The following TULP4 variants were observed in gnomAD, a reference collection of about 807,000 sequenced individuals.
TULP4 encodes tubby-related protein 4.
A neutral mutation model predicts 129.0 loss-of-function variants in TULP4; 16 were observed. That is an observed-to-expected ratio of 0.12 (90% CI 0.08 to 0.19). The LOEUF (loss-of-function observed/expected upper bound fraction) is 0.19, where lower values mean the gene tolerates loss of function less well. Among genes scored for constraint, TULP4 ranks in the 10% least tolerant of loss-of-function variants. The pLI is 1.00. For synonymous variants in TULP4, 998 were observed against 854.0 expected (o/e 1.17, Z -2.94); for missense variants, 1,842 against 2,059.1 (o/e 0.89, Z 2.04).
intron 2 of TULP4, among the ~76,000 whole-genome samples, chr6:158,424,231 A>T (rs1412667000): frequency 6.6e-6 from 1 of 152,254 alleles, no homozygotes; most frequent in East Asian, 1.9e-4. Flanking sequence ...ATTTGTATAT[A>T]ATCTATGCAC....
intron 1 of TULP4, among the ~76,000 whole-genome samples, chr6:158,271,809 TTTTAG>T (rs1778556651): frequency 6.6e-6 from 1 of 152,102 alleles, no homozygotes; most frequent in African/African-American, 2.4e-5. Flanking sequence ...TTCTGAGAAG[TTTTAG>T]TTTAAAGTTG....
At chr6:158,374,953 G>A (rs891511584) in intron 1 of TULP4, among the ~76,000 whole-genome samples, 3 of 152,168 alleles carry the variant, frequency 2.0e-5, no homozygotes, top group Non-Finnish European at 4.4e-5. Flanking sequence ...AAGTGTTAAA[G>A]AAGTTAAGGC....
At chr6:158,276,170 A>G (rs1034121823) in intron 1 of TULP4, among the ~76,000 whole-genome samples, 2 of 151,942 alleles carry the variant, frequency 1.3e-5, no homozygotes, top group Non-Finnish European at 2.9e-5. Flanking sequence ...GGGTTTTACC[A>G]TGTTGGGCAG....
At chr6:158,242,194 G>A (rs1777934194) in intron 1 of TULP4, 2 of 1,353,142 alleles carry the variant, frequency 1.5e-6, no homozygotes, top group African/African-American at 2.9e-5. Flanking sequence ...AGTGTCTTCT[G>A]ATAATGAATG....
intron 2 of TULP4, among the ~76,000 whole-genome samples, chr6:158,416,423 T>C (rs1458492919): frequency 1.3e-5 from 2 of 151,542 alleles, no homozygotes; most frequent in African/African-American, 2.4e-5. Flanking sequence ...TAGGCTAATA[T>C]GTGTCTTAGT....
intron 1 of TULP4, among the ~76,000 whole-genome samples, chr6:158,285,258 A>G (rs1462231636): frequency 2.6e-5 from 4 of 152,212 alleles, no homozygotes; most frequent in Non-Finnish European, 5.9e-5. Flanking sequence ...GTTAAGCAAC[A>G]ATAAACAATT....
intron 1 of TULP4, among the ~76,000 whole-genome samples, chr6:158,390,403 A>C (rs1777559452): frequency 6.6e-6 from 1 of 152,164 alleles, no homozygotes; most frequent in Admixed American, 6.5e-5. Context: ...ATTCAGATGA[A>C]TGGATATATC....
chr6:158,435,467 A>G (rs1315263085), intron 3 of TULP4, among the ~76,000 whole-genome samples: 1 of 151,990 alleles, frequency 6.6e-6, no homozygotes, highest in Non-Finnish European at 1.5e-5. Flanking sequence ...TGCCTCTCCC[A>G]GCTGGATCTT....
chr6:158,413,355 A>G lies in TULP4; in HGVS notation c.381+162A>G, dbSNP rs1273520722. 6.6e-6 allele frequency among the ~76,000 whole-genome samples: 1 copy of G among 152,234 alleles called. No homozygotes were observed. Among genetic ancestry groups the G allele is most frequent in the Non-Finnish European group, 1.5e-5 (1 of 68,044 alleles). On this transcript the variant is annotated intron_variant, in intron 2 of 13. Transcript: ENST00000367097. This position sits in a 1 kb window ranked among gnomAD's most constrained non-coding sequence, Gnocchi z 4.9. ...GAATCCTACTTTTCATTTCTCTCAC[A>G]TATGTCACTGGATAAAAAGAGTACA...
At chr6:158,486,278 T>C (rs947596965) in intron 8 of TULP4, among the ~76,000 whole-genome samples, 3 of 152,144 alleles carry the variant, frequency 2.0e-5, no homozygotes, top group East Asian at 1.9e-4. Context: ...GTTGGCCTTA[T>C]AAGAAGACAA....
In TULP4 at chr6:158,501,514, T is replaced by C. The variant is rs542638235; in HGVS notation, c.2015-164T>C. ...GGCTGCCCTCAAGAACCCATCTCCC[T>C]TGTGCGAGCAGGCCAGCTTTCCCCA... On this transcript the variant is annotated intron_variant, in intron 12 of 13. Coordinates refer to ENST00000367097, the MANE Select transcript of TULP4 (RefSeq NM_020245.5). 2.6e-5 allele frequency among the ~76,000 whole-genome samples: 4 copies of C among 152,306 alleles called. No individual in the cohort carries two copies. The East Asian group carries it at 5.8e-4, about 22-fold the overall frequency.
intron 11 of TULP4, among the ~76,000 whole-genome samples, chr6:158,497,793 C>T (rs1430518596): frequency 1.3e-5 from 2 of 152,164 alleles, no homozygotes; most frequent in Non-Finnish European, 2.9e-5. Flanking sequence ...AAAGATGCTT[C>T]GACAAAGGAG....
At position 158,502,711 on chromosome 6, in the gene TULP4, G is replaced by A. The variant is rs1281880922; in HGVS notation, c.3048G>A (p.Lys1016=). ...CCCTGCAGCCCCTGGCCAAGTCCAAGGGCGGGCCCGGGGGGGTGGTGACAC... is the reference window on the plus strand; with the variant it reads ...CCCTGCAGCCCCTGGCCAAGTCCAAAGGCGGGCCCGGGGGGGTGGTGACAC... ...RAPLQPLAKS[K]GGPGGVVTQL... The change falls in exon 13 of 14, where the codon AAG becomes AAA. Residue 1016 remains lysine (K), a synonymous_variant. Transcript: ENST00000367097. 3.2e-6 allele frequency: 5 copies of A among 1,560,928 alleles called. No individual in the cohort carries two copies. Among genetic ancestry groups the A allele is most frequent in the Admixed American group, 3.5e-5 (2 of 56,600 alleles).
At chr6:158,358,659 C>T (rs1780701315) in intron 1 of TULP4, among the ~76,000 whole-genome samples, 1 of 152,204 alleles carries the variant, frequency 6.6e-6, no homozygotes, top group South Asian at 2.1e-4. Flanking sequence ...AACGGTTCTG[C>T]ACTCAAAGAG....
intron 2 of TULP4, among the ~76,000 whole-genome samples, chr6:158,421,088 G>T (rs577705761): frequency 1.3e-5 from 2 of 152,258 alleles, no homozygotes; most frequent in South Asian, 4.1e-4. Context: ...GTGGCCGGGC[G>T]CGGTGGCTCA....
In TULP4 at chr6:158,345,090, A is replaced by G. The variant is rs563348210; in HGVS notation, c.252+30822A>G. Among the ~76,000 whole-genome samples, 356 of 152,356 alleles carry G rather than the reference A, an allele frequency of 2.3e-3. 1 individual carries two copies. The highest frequency in any genetic ancestry group is 4.0e-3 in the Non-Finnish European group (270 of 68,028). ...GTCCTAACTCTCTTTAATTCTGTGA[A>G]GGCTGAGAGAGGTGAGGAAACTGCA... On this transcript the variant is annotated intron_variant, in intron 1 of 13. Transcript: ENST00000367097.
rs373734605 is a variant in TULP4 at position 158,503,219 on chromosome 6, G to A, written c.3556G>A (p.Gly1186Arg). 143 of 1,613,946 alleles carry A rather than the reference G, an allele frequency of 8.9e-5. No homozygotes were observed. The highest frequency in any genetic ancestry group is 1.2e-4 in the Non-Finnish European group (136 of 1,180,026). ...CACTGCCACTTTCCAAACAGGCTAT[G>A]GGATGGGAGTGCCATATCCAGGAAG... is the stretch of plus-strand genomic sequence containing the variant. ...SPTATFQTGYGMGVPYPGSYN... is the reference protein window; with the variant it reads ...SPTATFQTGYRMGVPYPGSYN... The change falls in exon 13 of 14, where the codon GGG (glycine) becomes AGG (arginine). Residue 1186 changes from glycine (G) to arginine (R), a missense_variant. This residue lies in a region of TULP4 where 1,089 missense variants were observed against 987.1 expected (regional missense o/e 1.10). Coordinates refer to ENST00000367097, the MANE Select transcript of TULP4 (RefSeq NM_020245.5). The surrounding 1 kb of genome is among the most constrained non-coding windows in gnomAD (Gnocchi z 4.3).
chr6:158,329,686 T>C (rs976584331), intron 1 of TULP4, among the ~76,000 whole-genome samples: 1 of 152,188 alleles, frequency 6.6e-6, no homozygotes, highest in African/African-American at 2.4e-5. Flanking sequence ...ATTTTAGATT[T>C]TTTTTTAACC....
chr6:158,334,736 G>C (rs1779993066), intron 1 of TULP4, among the ~76,000 whole-genome samples: 1 of 152,212 alleles, frequency 6.6e-6, no homozygotes, highest in Non-Finnish European at 1.5e-5. Flanking sequence ...AAACTTTACA[G>C]CCAATGTCAT....
Sources: gnomAD v4.1 joint callset for allele counts (sites outside exome capture counted in the v4.1 genomes callset) on GRCh38, gnomAD v4.1.1 for gene constraint, gnomAD v4.1.1 regional missense constraint, Gnocchi (gnomAD v3.1) non-coding constraint, MANE v1.5 for transcripts, NCBI Gene and HGNC (gene_info 2026-07-23, HGNC 2026-07-21) for gene names.